TPM4: variants seen among roughly 807,000 people sequenced by gnomAD.
TPM4 encodes tropomyosin 4, also known as tropomyosin alpha-4 chain.
In TPM4, 17 loss-of-function variants were observed where a neutral mutation model predicts 35.8. The ratio of observed to expected loss-of-function variants is 0.47; its 90% CI spans 0.32 to 0.71. The LOEUF (loss-of-function observed/expected upper bound fraction) is 0.71, where lower values mean the gene tolerates loss of function less well. Ranked by LOEUF, TPM4 falls within the 30% of genes least tolerant of loss-of-function variation. TPM4 has a pLI of 0.03. For synonymous variants in TPM4, 120 were observed against 122.9 expected, an observed-to-expected ratio of 0.98 and a Z score of 0.15; for missense variants, 240 against 320.9, an observed-to-expected ratio of 0.75 and a Z score of 1.93.
At chr19:16,073,259 A>G (rs202242883), upstream of TPM4, among the ~76,000 whole-genome samples, 1 of 151,982 alleles carries the variant, frequency 6.6e-6, no homozygotes, top group East Asian at 1.9e-4. Context: ...ATTTGCTCTC[A>G]CTCTTCCTAC....
chr19:16,077,029 T>G, intron 1 of TPM4: 1 of 256,036 alleles, frequency 3.9e-6, no homozygotes, highest in Non-Finnish European at 6.9e-6. Context: ...TCGTGCAGGC[T>G]CCGACTCCGG....
At chr19:16,080,532 C>G (rs977778385) in intron 1 of TPM4, 1 of 190,038 alleles carries the variant, frequency 5.3e-6, no homozygotes, top group Non-Finnish European at 1.1e-5. Context: ...AAAGCACGGT[C>G]GGGCGCAGTG....
chr19:16,090,078 G>T (rs10425747), intron 5 of TPM4, among the ~76,000 whole-genome samples: 1 of 150,950 alleles, frequency 6.6e-6, no homozygotes, highest in Admixed American at 6.6e-5. Flanking sequence ...TGATCTGCCC[G>T]CCTCGCCCTC....
At chr19:16,075,771 T>C (rs1467449795), upstream of TPM4, 10 of 364,076 alleles carry the variant, frequency 2.7e-5, no homozygotes, top group Admixed American at 3.7e-4. Flanking sequence ...GAGTCTTCAG[T>C]TTCCCAAAAG....
intron 5 of TPM4, chr19:16,093,270 A>G: frequency 2.3e-6 from 1 of 442,308 alleles, no homozygotes; most frequent in South Asian, 2.4e-5. Context: ...ATCTCGGCTC[A>G]CTGCAACCTC....
chr19:16,088,192 C>G, intron 4 of TPM4, 95 bp downstream of exon 4: 1 of 1,518,056 alleles, frequency 6.6e-7, no homozygotes, highest in Non-Finnish European at 8.9e-7. Flanking sequence ...TGACCGGGGT[C>G]TCTGCTCAAG....
rs150400878 is a variant in TPM4, at chr19:16,102,277, T to A, written c.*931T>A. The A allele has an allele frequency of 1.9e-3, 360 of 191,924 alleles. No homozygotes were observed. Among genetic ancestry groups the A allele is most frequent in the Non-Finnish European group, 3.2e-3 (293 of 91,696 alleles). The allele number at this position is 191,924 out of a possible 1,614,324, so 11.9% of individuals were successfully genotyped here. ...TCGCTTGAACCCAGGAAGTGGAGAC[T>A]GCAGTGAGCCGATATCGCACCACAG... On this transcript the variant is annotated 3_prime_UTR_variant, in exon 8 of 8. Transcript: ENST00000643579.
At chr19:16,089,658 C>G (rs989794337) in intron 5 of TPM4, among the ~76,000 whole-genome samples, 1 of 146,310 alleles carries the variant, frequency 6.8e-6, no homozygotes, top group African/African-American at 2.6e-5. Context: ...CCCATCACCT[C>G]CACCCCCCAC....
At chr19:16,075,907 A>T, upstream of TPM4, 1 of 1,252,094 alleles carries the variant, frequency 8.0e-7, no homozygotes, top group Non-Finnish European at 1.1e-6. Context: ...ATGCTATCGC[A>T]ACCCCTGTTC....
chr19:16,085,267 ATAAAT>A (rs1275391335), intron 2 of TPM4, among the ~76,000 whole-genome samples: 5 of 151,948 alleles, frequency 3.3e-5, no homozygotes, highest in Non-Finnish European at 5.9e-5. Flanking sequence ...AAAAAAATAA[ATAAAT>A]ACACAACGTC....
At chr19:16,087,567 A>G (rs1212066413) in intron 3 of TPM4, among the ~76,000 whole-genome samples, 1 of 150,658 alleles carries the variant, frequency 6.6e-6, no homozygotes, top group African/African-American at 2.5e-5. Flanking sequence ...ATGGAGCGAG[A>G]CTCTGTCTCA....
rs574007654 is a variant in TPM4, at chr19:16,070,325, G to A, written c.114+2587G>A. On this transcript the variant is annotated intron_variant, in intron 2 of 2. Coordinates refer to the TPM4 transcript ENST00000589897. This position sits in a 1 kb window ranked among gnomAD's most constrained non-coding sequence, Gnocchi z 7.4. The stretch of plus-strand genomic sequence containing the variant: ...GGGGCAGAGCAGACAGGAGCAGTGG[G>A]TGGGAGGAAGGAAGGGAGTCCCCTC... Among the ~76,000 whole-genome samples, 3 of 152,148 alleles carry A rather than the reference G, an allele frequency of 2.0e-5. No individual in the cohort carries two copies. Among genetic ancestry groups the A allele is most frequent in the Non-Finnish European group, 4.4e-5 (3 of 68,018 alleles).
intron 2 of TPM4, among the ~76,000 whole-genome samples, chr19:16,086,068 CAAAAA>C (rs562934017): frequency 1.3e-5 from 1 of 79,134 alleles, no homozygotes; most frequent in Non-Finnish European, 2.5e-5. Flanking sequence ...GACTCCATCT[CAAAAA>C]AAAAAAAAAA....
At chr19:16,086,877 C>T (rs140749393) in intron 3 of TPM4, among the ~76,000 whole-genome samples, 2 of 152,252 alleles carry the variant, frequency 1.3e-5, no homozygotes, top group East Asian at 3.9e-4. Context: ...CCTCCTTTGC[C>T]TCCCTCGATG....
intron 2 of TPM4, among the ~76,000 whole-genome samples, chr19:16,069,634 G>A (rs1845279137): frequency 7.4e-5 from 11 of 147,842 alleles, no homozygotes; most frequent in African/African-American, 2.8e-4. Context: ...GTGTGGGTGA[G>A]TGTGTGTTTC....
upstream of TPM4, among the ~76,000 whole-genome samples, chr19:16,073,963 C>CAAAAAAACAAA (rs2090379663): frequency 8.3e-5 from 6 of 71,882 alleles, no homozygotes; most frequent in African/African-American, 1.1e-4. Flanking sequence ...AAAAAAAACG[C>CAAAAAAACAAA]AAAAAAAAAA....
chr19:16,090,793 G>A (rs1568308955), intron 5 of TPM4, among the ~76,000 whole-genome samples: 1 of 149,670 alleles, frequency 6.7e-6, no homozygotes, highest in African/African-American at 2.5e-5. Flanking sequence ...CTAGCATTGT[G>A]CCTGGCATAT....
At chr19:16,091,618 T>C (rs1311896536) in intron 5 of TPM4, among the ~76,000 whole-genome samples, 1 of 151,854 alleles carries the variant, frequency 6.6e-6, no homozygotes, top group African/African-American at 2.4e-5. Context: ...CTACCAAAAA[T>C]ACAAAAACTA....
chr19:16,080,442 G>C (rs888651272), intron 1 of TPM4: 3 of 196,852 alleles, frequency 1.5e-5, no homozygotes, highest in African/African-American at 6.9e-5. Context: ...AAGGCAGTCC[G>C]GTAACTAATC....
Sources: gnomAD v4.1 joint callset for allele counts (sites outside exome capture counted in the v4.1 genomes callset) on GRCh38, gnomAD v4.1.1 for gene constraint, Gnocchi (gnomAD v3.1) non-coding constraint, MANE v1.5 for transcripts, NCBI Gene and HGNC (gene_info 2026-07-23, HGNC 2026-07-21) for gene names.